Variants in ADAM10 observed in about 807,000 individuals in gnomAD.
The protein encoded by ADAM10 is ADAM metallopeptidase domain 10.
A neutral mutation model predicts 90.1 loss-of-function variants in ADAM10; 17 were observed. The ratio of observed to expected loss-of-function variants is 0.19; its 90% CI spans 0.13 to 0.28. The LOEUF is 0.28. Ranked by LOEUF, ADAM10 falls within the 10% of genes least tolerant of loss-of-function variation. The probability of loss-of-function intolerance (pLI) is 1.00; values close to 1 mark genes in which losing one functional copy is unlikely to be tolerated. For synonymous variants in ADAM10, 310 were observed against 298.6 expected, an observed-to-expected ratio of 1.04 and a Z score of -0.40; for missense variants, 610 against 914.3, an observed-to-expected ratio of 0.67 and a Z score of 4.29.
intron 14 of ADAM10, among the ~76,000 whole-genome samples, chr15:58,601,850 T>C (rs1595981611): frequency 6.6e-6 from 1 of 152,328 alleles, no homozygotes; most frequent in East Asian, 1.9e-4. Flanking sequence ...TCAATTTGGG[T>C]TCCTCTGGTG....
chr15:58,720,398 TATTTTA>T (rs1166704238), intron 1 of ADAM10, among the ~76,000 whole-genome samples: 11 of 22,622 alleles, frequency 4.9e-4, no homozygotes, highest in African/African-American at 9.1e-4. Flanking sequence ...TATTTTATTT[TATTTTA>T]TTTTTTTTTT....
chr15:58,743,127 TA>T lies in ADAM10; in HGVS notation c.55+6352del, dbSNP rs542047291. Among the ~76,000 whole-genome samples, 491 of 152,202 alleles carry T rather than the reference TA, an allele frequency of 3.2e-3. 1 individual carries two copies. Among genetic ancestry groups the T allele is most frequent in the Non-Finnish European group, 5.9e-3 (399 of 68,014 alleles). Reference sequence around the variant, plus strand: ...AGCATGTCACATAGAGCTGCCCGTGTAAAAACCAAATGAAATGCAAATCATT... The same window carrying T: ...AGCATGTCACATAGAGCTGCCCGTGTAAAACCAAATGAAATGCAAATCATT... On this transcript the variant is annotated intron_variant, in intron 1 of 15. Coordinates refer to ENST00000260408, the MANE Select transcript of ADAM10 (RefSeq NM_001110.4).
intron 4 of ADAM10, among the ~76,000 whole-genome samples, chr15:58,672,046 A>G (rs1006480298): frequency 1.6e-5 from 2 of 126,582 alleles, no homozygotes; most frequent in African/African-American, 3.8e-5. Flanking sequence ...AAAATTCCTT[A>G]CTCAATTTAT....
chr15:58,607,161 C>T (rs1346296490), intron 14 of ADAM10, among the ~76,000 whole-genome samples: 4 of 152,220 alleles, frequency 2.6e-5, no homozygotes, highest in African/African-American at 9.7e-5. Flanking sequence ...AGTTTGCCAA[C>T]CCCTGTTCTA....
At position 58,712,972 on chromosome 15, in the gene ADAM10, T is replaced by A. The variant is rs372736386; in HGVS notation, c.206+4605A>T. Among the ~76,000 whole-genome samples, 237 of 152,328 alleles carry A rather than the reference T, an allele frequency of 1.6e-3. 6 individuals are homozygous for A. In the South Asian group the frequency reaches 0.047, roughly 30 times the overall value. ...ACAAATTTCGAACAAAAATCCTGCA[T>A]CCCACAATATGACAAATCTGCTTAC... On this transcript the variant is annotated intron_variant, in intron 2 of 15. Coordinates refer to ENST00000260408, the MANE Select transcript of ADAM10 (RefSeq NM_001110.4).
chr15:58,714,865 C>G (rs374215233), intron 2 of ADAM10, among the ~76,000 whole-genome samples: 4 of 152,020 alleles, frequency 2.6e-5, no homozygotes, highest in South Asian at 2.1e-4. Context: ...GAAGAAAGAC[C>G]TAGCAGGAAA....
intron 1 of ADAM10, among the ~76,000 whole-genome samples, chr15:58,719,124 G>A (rs1898761769): frequency 6.6e-6 from 1 of 152,140 alleles, no homozygotes; most frequent in African/African-American, 2.4e-5. Context: ...AGGAGTTCGA[G>A]ACCAGCCTGA....
At chr15:58,615,765 T>TACTC (rs1895591167) in intron 11 of ADAM10, among the ~76,000 whole-genome samples, 1 of 152,042 alleles carries the variant, frequency 6.6e-6, no homozygotes, top group African/African-American at 2.4e-5. Context: ...GCCAGCACTT[T>TACTC]GGGAGGCCGA....
At chr15:58,693,673 A>T (rs1314739777) in intron 2 of ADAM10, among the ~76,000 whole-genome samples, 1 of 152,106 alleles carries the variant, frequency 6.6e-6, no homozygotes, top group Non-Finnish European at 1.5e-5. Context: ...TGCTACCTTA[A>T]GAAACAAAAG....
intron 5 of ADAM10, among the ~76,000 whole-genome samples, chr15:58,663,801 T>G (rs1439800382): frequency 6.6e-6 from 1 of 152,108 alleles, no homozygotes; most frequent in Non-Finnish European, 1.5e-5. Context: ...ATATATAATA[T>G]TCTCTGACAT....
Position 58,596,542 on chromosome 15 carries a change from T to A in ADAM10, c.*1005A>T, listed in dbSNP as rs1256188455. On this transcript the variant is annotated 3_prime_UTR_variant, in exon 16 of 16. Transcript: ENST00000260408. ...ATTTTGATAAAGACACAGCTTTTCTTTTCCATATCAGACAGAAAACATAAT... is the reference window on the plus strand; with the variant it reads ...ATTTTGATAAAGACACAGCTTTTCTATTCCATATCAGACAGAAAACATAAT... The A allele has an allele frequency of 3.9e-5, 6 of 152,772 alleles. No individual in the cohort carries two copies. Among genetic ancestry groups the A allele is most frequent in the African/African-American group, 1.2e-4 (5 of 41,576 alleles). The allele number at this position is 152,772 out of a possible 1,614,324, so 9.5% of individuals were successfully genotyped here. A position where few individuals can be genotyped will look rare whatever the true frequency, so the allele number is the denominator to read the frequency against.
At chr15:58,739,411 G>C (rs999696805) in intron 1 of ADAM10, among the ~76,000 whole-genome samples, 1 of 151,808 alleles carries the variant, frequency 6.6e-6, no homozygotes, top group African/African-American at 2.4e-5. Context: ...CAGCTACTCG[G>C]GAGGCTGAGG....
chr15:58,632,835 G>A (rs1342525712), intron 9 of ADAM10, among the ~76,000 whole-genome samples: 6 of 152,104 alleles, frequency 3.9e-5, no homozygotes, highest in Non-Finnish European at 7.4e-5. Flanking sequence ...CTCACAATTT[G>A]CTGAACATTC....
chr15:58,749,369 G>T, intron 1 of ADAM10, 111 bp downstream of exon 1: 2 of 1,211,416 alleles, frequency 1.7e-6, no homozygotes, highest in Non-Finnish European at 2.1e-6. Context: ...GGCGCCGCTG[G>T]CCGGCTGGGC....
At position 58,593,378 on chromosome 15, in the gene ADAM10, T is replaced by A. The variant is rs1344839863; in HGVS notation, c.*4169A>T. The stretch of plus-strand genomic sequence containing the variant: ...AAGCATGTGCCACCACGCCCAGCTG[T>A]ATTTTTAGTAGAGACGGGGTTTCAC... On this transcript the variant is annotated 3_prime_UTR_variant, in exon 16 of 16. Coordinates refer to ENST00000260408, the MANE Select transcript of ADAM10 (RefSeq NM_001110.4). 4 of 151,982 alleles carry A rather than the reference T, an allele frequency of 2.6e-5. No homozygotes were observed. The highest frequency in any genetic ancestry group is 5.9e-5 in the Non-Finnish European group (4 of 68,036). 9.4% of individuals were successfully genotyped at this position (151,982 alleles called of 1,614,324 possible).
intron 11 of ADAM10, among the ~76,000 whole-genome samples, chr15:58,612,203 C>A (rs1325214136): frequency 6.6e-6 from 1 of 152,076 alleles, no homozygotes; most frequent in East Asian, 1.9e-4. Context: ...CTGGTGGAGC[C>A]GTGTGTCCCA....
At chr15:58,702,423 A>G (rs1490217330) in intron 2 of ADAM10, among the ~76,000 whole-genome samples, 2 of 152,198 alleles carry the variant, frequency 1.3e-5, no homozygotes, top group Non-Finnish European at 2.9e-5. Context: ...ACAACAATAC[A>G]TTGTATATTT....
Position 58,746,844 on chromosome 15 carries a change from A to G in ADAM10, c.55+2636T>C, listed in dbSNP as rs557032791. 2.5e-3 allele frequency among the ~76,000 whole-genome samples: 384 copies of G among 152,340 alleles called. 2 individuals carry two copies. The highest frequency in any genetic ancestry group is 2.8e-3 in the Non-Finnish European group (190 of 68,008). On this transcript the variant is annotated intron_variant, in intron 1 of 15. Coordinates refer to ENST00000260408, the MANE Select transcript of ADAM10 (RefSeq NM_001110.4). The stretch of plus-strand genomic sequence containing the variant: ...GTTTTAAAAAGATGAAGAGTCAGAG[A>G]TCCTTAAGGATAAAGACAAAATTAG...
chr15:58,737,199 G>C (rs1899458367), intron 1 of ADAM10, among the ~76,000 whole-genome samples: 1 of 152,020 alleles, frequency 6.6e-6, no homozygotes, highest in Non-Finnish European at 1.5e-5. Context: ...CCTAATCACA[G>C]AAGTGCATTA....
Sources: allele counts gnomAD v4.1 joint callset (sites outside exome capture counted in the v4.1 genomes callset), GRCh38; gene constraint gnomAD v4.1.1; transcripts MANE v1.5; gene names NCBI Gene and HGNC (gene_info 2026-07-23, HGNC 2026-07-21).